DCC: variants seen among roughly 807,000 people sequenced by gnomAD.
DCC encodes netrin receptor DCC.
DCC carries 58 observed loss-of-function variants against 172.5 expected under a neutral mutation model. The ratio of observed to expected loss-of-function variants is 0.34; its 90% CI spans 0.27 to 0.42. The LOEUF (loss-of-function observed/expected upper bound fraction) is 0.42, where lower values mean the gene tolerates loss of function less well. Among genes scored for constraint, DCC ranks in the 10% least tolerant of loss-of-function variants. DCC has a pLI of 1.00. For missense variants in DCC, 1,740 were observed against 1,791.0 expected, an observed-to-expected ratio of 0.97 and a Z score of 0.51; for synonymous variants, 709 against 644.5, an observed-to-expected ratio of 1.10 and a Z score of -1.52.
At chr18:52,908,819 C>T (rs1421928496) in intron 3 of DCC, among the ~76,000 whole-genome samples, 1 of 152,108 alleles carries the variant, frequency 6.6e-6, no homozygotes, top group East Asian at 1.9e-4. Flanking sequence ...AAAGGCATCA[C>T]ATCAAATGAG....
intron 7 of DCC, among the ~76,000 whole-genome samples, chr18:53,079,995 T>C (rs1387841201): frequency 6.6e-6 from 1 of 152,134 alleles, no homozygotes; most frequent in East Asian, 1.9e-4. Context: ...ATGTAAAAGA[T>C]AGGCTTGCTT....
At chr18:53,240,728 A>G (rs1347062118) in intron 12 of DCC, among the ~76,000 whole-genome samples, 1 of 152,172 alleles carries the variant, frequency 6.6e-6, no homozygotes, top group Non-Finnish European at 1.5e-5. Context: ...CACAGCACCT[A>G]GAAGAGGTTG....
intron 1 of DCC, among the ~76,000 whole-genome samples, chr18:52,719,005 A>G (rs2036432680): frequency 6.6e-6 from 1 of 152,138 alleles, no homozygotes. Flanking sequence ...CTGAAAACTC[A>G]GGGAAGAATC....
chr18:53,531,006 G>A lies in DCC; in HGVS notation c.*353G>A, dbSNP rs2046519992. 5.2e-6 allele frequency: 2 copies of A among 383,474 alleles called. No homozygotes were observed. The highest frequency in any genetic ancestry group is 5.0e-6 in the Non-Finnish European group (1 of 200,676). 23.8% of individuals were successfully genotyped at this position (383,474 alleles called of 1,614,324 possible). A position where few individuals can be genotyped will look rare whatever the true frequency, so the allele number is the denominator to read the frequency against. ...CCTTTGTCAAGGCCTGTTGTTTAATGTGTAGGTCTAGTCTTACAAAATGCA... is the reference window on the plus strand; with the variant it reads ...CCTTTGTCAAGGCCTGTTGTTTAATATGTAGGTCTAGTCTTACAAAATGCA... On this transcript the variant is annotated 3_prime_UTR_variant, in exon 29 of 29. Transcript: ENST00000442544.
At chr18:52,934,509 A>ATAAGAAATGC (rs144643506) in intron 5 of DCC, among the ~76,000 whole-genome samples, 3,100 of 152,256 alleles carry the variant, frequency 0.02, 85 homozygotes, top group African/African-American at 0.058. Flanking sequence ...AGTTTTAAGC[A>ATAAGAAATGC]TAAGAAATGC....
intron 19 of DCC, among the ~76,000 whole-genome samples, chr18:53,404,749 TA>T (rs558346223): frequency 2.9e-5 from 4 of 138,194 alleles, no homozygotes; most frequent in East Asian, 2.4e-4. Flanking sequence ...AAAAATAAAA[TA>T]AAAAATTAAA....
intron 22 of DCC, among the ~76,000 whole-genome samples, chr18:53,437,582 CAAAAAAA>C (rs74180424): frequency 2.4e-4 from 5 of 20,836 alleles, no homozygotes; most frequent in African/African-American, 8.5e-4. Flanking sequence ...GGCTCCATCT[CAAAAAAA>C]AAAAAAAAAA....
chr18:53,270,381 A>G (rs1362024556), intron 12 of DCC, among the ~76,000 whole-genome samples: 2 of 152,054 alleles, frequency 1.3e-5, no homozygotes, highest in Non-Finnish European at 2.9e-5. Context: ...GGGGAGGGGG[A>G]AAAGTGCCAA....
intron 1 of DCC, among the ~76,000 whole-genome samples, chr18:52,665,303 T>C (rs1317063914): frequency 6.6e-6 from 1 of 152,210 alleles, no homozygotes; most frequent in Non-Finnish European, 1.5e-5. Flanking sequence ...GGGACACTTC[T>C]GGGTATGACT....
At chr18:53,246,852 A>C (rs1198757003) in intron 12 of DCC, among the ~76,000 whole-genome samples, 1 of 152,116 alleles carries the variant, frequency 6.6e-6, no homozygotes, top group African/African-American at 2.4e-5. Flanking sequence ...CAGATGGAAC[A>C]GTTGCCTGGA....
intron 14 of DCC, among the ~76,000 whole-genome samples, chr18:53,324,587 T>A (rs1363495532): frequency 1.3e-5 from 2 of 152,080 alleles, no homozygotes; most frequent in Non-Finnish European, 2.9e-5. Flanking sequence ...GCCATGCGAA[T>A]AGGTCAGACT....
chr18:52,924,269 A>G (rs550911520), intron 4 of DCC, among the ~76,000 whole-genome samples: 72 of 152,288 alleles, frequency 4.7e-4, no homozygotes, highest in African/African-American at 1.7e-3. Context: ...TAATCATTTC[A>G]CAATGTATAC....
intron 2 of DCC, among the ~76,000 whole-genome samples, chr18:52,769,636 T>A (rs1470711667): frequency 6.6e-6 from 1 of 152,200 alleles, no homozygotes; most frequent in Non-Finnish European, 1.5e-5. Context: ...TTGTTGTATC[T>A]CAAAAGTTGT....
chr18:52,772,806 T>C (rs1432541980), intron 2 of DCC, among the ~76,000 whole-genome samples: 1 of 152,220 alleles, frequency 6.6e-6, no homozygotes, highest in Non-Finnish European at 1.5e-5. Context: ...TAGCATCTTA[T>C]CTCTAGTTTC....
intron 3 of DCC, among the ~76,000 whole-genome samples, 182 bp downstream of exon 3, chr18:52,906,510 T>C (rs1044363652): frequency 1.3e-5 from 2 of 151,916 alleles, no homozygotes; most frequent in Non-Finnish European, 2.9e-5. Flanking sequence ...GCTGTTCTTT[T>C]TTTTTTTTTT....
At chr18:53,376,444 A>G (rs1010073918) in intron 15 of DCC, among the ~76,000 whole-genome samples, 1 of 152,198 alleles carries the variant, frequency 6.6e-6, no homozygotes, top group African/African-American at 2.4e-5. Flanking sequence ...AGTATGCATG[A>G]GTTTGCTTTT....
chr18:53,346,767 G>A (rs561277427), intron 15 of DCC, among the ~76,000 whole-genome samples: 94 of 152,106 alleles, frequency 6.2e-4, no homozygotes, highest in Non-Finnish European at 1.1e-3. Context: ...CACCATTTGG[G>A]TTGGGCATCT....
At chr18:53,214,118 A>G (rs545749176) in intron 11 of DCC, among the ~76,000 whole-genome samples, 6 of 152,230 alleles carry the variant, frequency 3.9e-5, no homozygotes, top group African/African-American at 1.4e-4. Context: ...TCAGAATAAG[A>G]ATCTCAAAAA....
At chr18:52,674,002 G>T (rs2144975738) in intron 1 of DCC, among the ~76,000 whole-genome samples, 1 of 152,192 alleles carries the variant, frequency 6.6e-6, no homozygotes, top group Non-Finnish European at 1.5e-5. Flanking sequence ...GCTAGACTGG[G>T]CTTTTTCACA....
Sources: allele counts gnomAD v4.1 joint callset (sites outside exome capture counted in the v4.1 genomes callset), GRCh38; gene constraint gnomAD v4.1.1; transcripts MANE v1.5; gene names NCBI Gene and HGNC (gene_info 2026-07-23, HGNC 2026-07-21).